Variants in SLC38A4 observed in about 807,000 individuals in gnomAD.
SLC38A4 encodes the protein sodium-coupled neutral amino acid transporter 4.
A neutral mutation model predicts 63.1 loss-of-function variants in SLC38A4; 20 were observed. That is an observed-to-expected ratio of 0.32 (90% confidence interval 0.22 to 0.46). The LOEUF is 0.46. SLC38A4 is among the 20% of genes least tolerant of loss of function. The pLI is 1.00. For missense variants in SLC38A4, 526 were observed against 663.6 expected (o/e 0.79, Z 2.28); for synonymous variants, 230 against 225.5 (o/e 1.02, Z -0.18).
intron 10 of SLC38A4, among the ~76,000 whole-genome samples, chr12:46,779,283 T>C (rs1005861470): frequency 1.8e-4 from 27 of 151,934 alleles, no homozygotes; most frequent in Non-Finnish European, 3.1e-4. Flanking sequence ...AATATGGGTA[T>C]AGCCTTCTTG....
At chr12:46,772,820 T>C (rs1390070507) in intron 14 of SLC38A4, among the ~76,000 whole-genome samples, 1 of 152,102 alleles carries the variant, frequency 6.6e-6, no homozygotes, top group Non-Finnish European at 1.5e-5. Context: ...CTAAAGCTGA[T>C]AGATTTTAAT....
In SLC38A4 at chr12:46,765,967, A is replaced by T. The variant is rs924039608; in HGVS notation, c.*734T>A. 1 of 157,704 alleles carries T rather than the reference A, an allele frequency of 6.3e-6. No homozygotes were observed. Among genetic ancestry groups the T allele is most frequent in the Non-Finnish European group, 1.4e-5 (1 of 71,248 alleles). The allele number at this position is 157,704 out of a possible 1,614,324, so 9.8% of individuals were successfully genotyped here. ...AGATGCTTTCTAGAACAGGCAGTTT[A>T]GCTATAAGCATTATTTTTGTTGTTG... On this transcript the variant is annotated 3_prime_UTR_variant, in exon 17 of 17. Coordinates refer to ENST00000266579, the MANE Select transcript of SLC38A4 (RefSeq NM_018018.5).
chr12:46,769,576 T>A (rs1234253965), intron 14 of SLC38A4, 148 bp from the exon 15 acceptor site: 5 of 829,414 alleles, frequency 6.0e-6, no homozygotes, highest in African/African-American at 5.2e-5. Flanking sequence ...TTTTTATTAT[T>A]ATAAAACATA....
chr12:46,782,473 T>C (rs1938663791), intron 7 of SLC38A4, among the ~76,000 whole-genome samples: 1 of 152,074 alleles, frequency 6.6e-6, no homozygotes, highest in East Asian at 1.9e-4. Context: ...GATCCAATAC[T>C]AACAATATTC....
intron 1 of SLC38A4, among the ~76,000 whole-genome samples, chr12:46,832,062 G>A (rs531054885): frequency 1.3e-5 from 2 of 152,170 alleles, no homozygotes; most frequent in East Asian, 3.9e-4. Context: ...CCTAGTTTAC[G>A]TTATTTCTAG....
chr12:46,788,554 T>G lies in SLC38A4; in HGVS notation c.184A>C (p.Lys62Gln). Residue 62 changes from lysine (K) to glutamine (Q), a missense_variant, in exon 4 of 17, where the codon AAG becomes CAG. Transcript: ENST00000266579. The part of the protein sequence containing the change: ...FLTNGFLGKK[K>Q]LADYADEHHP... ...TGTTCATCAGCATAATCTGCCAGCT[T>G]CTTTTTCCCCAAAAATCCATTTGTC... The G allele has an allele frequency of 6.2e-7, 1 of 1,613,690 alleles. No individual in the cohort carries two copies. The highest frequency in any genetic ancestry group is 8.5e-7 in the Non-Finnish European group (1 of 1,179,854).
At chr12:46,773,622 AT>A (rs1343286195) in intron 14 of SLC38A4, among the ~76,000 whole-genome samples, 2 of 151,908 alleles carry the variant, frequency 1.3e-5, no homozygotes, top group African/African-American at 4.8e-5. Context: ...CTAAGGGGAG[AT>A]TTGGATTTTC....
At position 46,792,991 on chromosome 12, in the gene SLC38A4, G is replaced by A; in HGVS notation, c.81C>T (p.Tyr27=). 2.5e-6 allele frequency: 4 copies of A among 1,613,236 alleles called. No homozygotes were observed. Among genetic ancestry groups the A allele is most frequent in the Non-Finnish European group, 3.4e-6 (4 of 1,179,442 alleles). ...CCTTTTCTGAATTTCCTATCCCGAT[G>A]TAGCTATCTGGAGCACTTTCTCCAC... ...SSSGESAPDS[Y]IGIGNSEKAA... is the part of the protein sequence containing the mutation. The change falls in exon 3 of 17, where the codon TAC becomes TAT. Residue 27 remains tyrosine (Y), a synonymous_variant. Transcript: ENST00000266579.
chr12:46,795,717 T>C (rs967750863), intron 2 of SLC38A4, among the ~76,000 whole-genome samples: 3 of 152,198 alleles, frequency 2.0e-5, no homozygotes, highest in African/African-American at 7.2e-5. Flanking sequence ...GTTTGAATTC[T>C]AGATTCAGAA....
At chr12:46,817,897 G>T (rs1939472680) in intron 1 of SLC38A4, among the ~76,000 whole-genome samples, 1 of 151,702 alleles carries the variant, frequency 6.6e-6, no homozygotes, top group South Asian at 2.1e-4. Context: ...TAAAGTAATA[G>T]AAAATTATTA....
At chr12:46,767,333 C>A (rs1565660628) in intron 16 of SLC38A4, among the ~76,000 whole-genome samples, 2 of 151,794 alleles carry the variant, frequency 1.3e-5, no homozygotes, top group Non-Finnish European at 1.5e-5. Flanking sequence ...CATTTTAACA[C>A]CAGAAGAGGC....
chr12:46,771,648 AAG>A (rs1289205369), intron 14 of SLC38A4, among the ~76,000 whole-genome samples: 1 of 152,124 alleles, frequency 6.6e-6, no homozygotes, highest in Admixed American at 6.6e-5. Context: ...TGCATTCCTG[AAG>A]AGAGCAACAG....
upstream of SLC38A4, among the ~76,000 whole-genome samples, chr12:46,830,730 G>C (rs376862121): frequency 1.7e-3 from 266 of 152,284 alleles, 4 homozygotes; most frequent in South Asian, 0.044. Flanking sequence ...GAGAGTCTGC[G>C]GGAAGTGCCT....
intron 1 of SLC38A4, among the ~76,000 whole-genome samples, chr12:46,823,083 C>A (rs1393245556): frequency 3.9e-5 from 6 of 152,150 alleles, no homozygotes; most frequent in African/African-American, 1.4e-4. Flanking sequence ...CCTCCCATCA[C>A]CCTGTAAAAA....
chr12:46,770,200 A>T (rs1938388964), intron 14 of SLC38A4, among the ~76,000 whole-genome samples: 1 of 152,080 alleles, frequency 6.6e-6, no homozygotes, highest in Non-Finnish European at 1.5e-5. Flanking sequence ...ATGAGACATT[A>T]AGGGCAAGCA....
intron 12 of SLC38A4, 48 bp from the exon 13 acceptor site, chr12:46,777,052 A>G: frequency 6.8e-7 from 1 of 1,464,740 alleles, no homozygotes; most frequent in Middle Eastern, 1.8e-4. Context: ...CTTACAAAAA[A>G]AAATCACTTT....
At chr12:46,788,799 A>G (rs1938819613) in intron 3 of SLC38A4, among the ~76,000 whole-genome samples, 181 bp from the exon 4 acceptor site, 1 of 152,144 alleles carries the variant, frequency 6.6e-6, no homozygotes, top group Non-Finnish European at 1.5e-5. Context: ...TTCCATTTAC[A>G]ACTATACTTT....
chr12:46,778,711 C>CA lies in SLC38A4; in HGVS notation c.782dup (p.Ser262ValfsTer18). 6.2e-7 allele frequency: 1 copy of CA among 1,612,670 alleles called. No homozygotes were observed. Among genetic ancestry groups the CA allele is most frequent in the Non-Finnish European group, 8.5e-7 (1 of 1,179,288 alleles). Reference sequence around the variant, plus strand: ...GCATTGGAAGCGTGTTGTTGAATGACAGATTTCCAACACTGTGATCCAAAA... The same window carrying CA: ...GCATTGGAAGCGTGTTGTTGAATGACAAGATTTCCAACACTGTGATCCAAAA... On this transcript the variant is annotated frameshift_variant, in exon 11 of 17. Coordinates refer to ENST00000266579, the MANE Select transcript of SLC38A4 (RefSeq NM_018018.5). LOFTEE classifies it high-confidence loss of function.
In SLC38A4 at chr12:46,766,801, G is replaced by A; in HGVS notation, c.1544C>T (p.Ala515Val). The A allele has an allele frequency of 6.2e-7, 1 of 1,604,804 alleles. No homozygotes were observed. Among genetic ancestry groups the A allele is most frequent in the Non-Finnish European group, 8.5e-7 (1 of 1,173,168 alleles). The change falls in exon 17 of 17, where the codon GCT becomes GTT. Residue 515 changes from alanine (A) to valine (V), a missense_variant and splice_region_variant. Coordinates refer to ENST00000266579, the MANE Select transcript of SLC38A4 (RefSeq NM_018018.5). ...ETFRSPQKVG[A>V]LIFLVVGIFF... is the part of the protein sequence containing the mutation. ...TATTCCAACCACAAGGAAAATTAAA[G>A]CCTGTAATTCAGAGAGACTCTGTTA...
Sources: gnomAD v4.1 joint callset for allele counts (sites outside exome capture counted in the v4.1 genomes callset) on GRCh38, gnomAD v4.1.1 for gene constraint, MANE v1.5 for transcripts, NCBI Gene and HGNC (gene_info 2026-07-23, HGNC 2026-07-21) for gene names.